Variants in SH3RF1 observed in about 807,000 individuals in gnomAD.
SH3RF1 encodes SH3 domain containing ring finger 1.
Under a neutral mutation model 74.0 loss-of-function variants are expected in SH3RF1, and 32 were observed. That is an observed-to-expected ratio of 0.43 (90% CI 0.33 to 0.58). SH3RF1 has a LOEUF of 0.58. SH3RF1 is among the 20% of genes least tolerant of loss of function. The pLI is 0.05. For synonymous variants in SH3RF1, 396 were observed against 439.6 expected (o/e 0.90, Z 1.24); for missense variants, 954 against 1,130.9 (o/e 0.84, Z 2.24).
chr4:169,236,250 G>T (rs1340074570), intron 2 of SH3RF1, among the ~76,000 whole-genome samples: 1 of 152,184 alleles, frequency 6.6e-6, no homozygotes, highest in Non-Finnish European at 1.5e-5. Context: ...TGAAATGTGG[G>T]AAGTAAAACA....
Position 169,267,542 on chromosome 4 carries a change from C to T in SH3RF1, c.393+1278G>A, listed in dbSNP as rs74595969. ...TGGGCTCCAAATAAGGAAAAGAAAACCTCCCTATCCCAGAGTTCTCACTAT... is the reference window on the plus strand; with the variant it reads ...TGGGCTCCAAATAAGGAAAAGAAAATCTCCCTATCCCAGAGTTCTCACTAT... On this transcript the variant is annotated intron_variant, in intron 2 of 11. Coordinates refer to ENST00000284637, the MANE Select transcript of SH3RF1 (RefSeq NM_020870.4). 9.5e-3 allele frequency among the ~76,000 whole-genome samples: 1,452 copies of T among 152,220 alleles called. 17 individuals carry two copies. The highest frequency in any genetic ancestry group is 0.014 in the Non-Finnish European group (968 of 68,002).
intron 2 of SH3RF1, among the ~76,000 whole-genome samples, chr4:169,163,131 A>T (rs1280286680): frequency 6.6e-6 from 1 of 152,116 alleles, no homozygotes; most frequent in African/African-American, 2.4e-5. Flanking sequence ...GAGATAAAGG[A>T]AAGTAGATAA....
At chr4:169,111,098 A>C (rs534713398) in intron 10 of SH3RF1, among the ~76,000 whole-genome samples, 77 of 151,860 alleles carry the variant, frequency 5.1e-4, no homozygotes, top group Non-Finnish European at 9.0e-4. Context: ...ACTTGAGGCC[A>C]GGAGTTCAGG....
chr4:169,096,716 C>G (rs761454735), intron 11 of SH3RF1, 29 bp from the exon 12 acceptor site: 1 of 1,584,190 alleles, frequency 6.3e-7, no homozygotes, highest in Non-Finnish European at 8.6e-7. Flanking sequence ...TTGGTTAAGG[C>G]GATTCAAAGC....
intron 2 of SH3RF1, among the ~76,000 whole-genome samples, chr4:169,162,819 C>A (rs1207657558): frequency 6.6e-6 from 1 of 152,182 alleles, no homozygotes; most frequent in South Asian, 2.1e-4. Context: ...CAGTTCCATA[C>A]CAGCTCAAGA....
chr4:169,211,318 T>G (rs1730362276), intron 2 of SH3RF1, among the ~76,000 whole-genome samples: 1 of 151,738 alleles, frequency 6.6e-6, no homozygotes, highest in South Asian at 2.1e-4. Flanking sequence ...CTGTCTCTAC[T>G]AAAAATATAA....
intron 2 of SH3RF1, among the ~76,000 whole-genome samples, chr4:169,190,682 G>T (rs181534533): frequency 6.6e-6 from 1 of 151,498 alleles, no homozygotes; most frequent in Admixed American, 6.6e-5. Context: ...ACACTATTCC[G>T]CAAGACAGAG....
intron 2 of SH3RF1, among the ~76,000 whole-genome samples, chr4:169,202,365 G>A (rs1734924342): frequency 2.0e-5 from 3 of 151,766 alleles, no homozygotes; most frequent in Admixed American, 1.3e-4. Flanking sequence ...TTTCTCTTGT[G>A]CCCACATATC....
intron 9 of SH3RF1, among the ~76,000 whole-genome samples, chr4:169,117,063 A>G (rs1189424126): frequency 6.6e-6 from 1 of 152,042 alleles, no homozygotes; most frequent in Non-Finnish European, 1.5e-5. Context: ...TTTACCCCTC[A>G]TCCCATTAGT....
intron 4 of SH3RF1, among the ~76,000 whole-genome samples, chr4:169,142,236 G>A (rs1428193530): frequency 2.0e-5 from 3 of 152,158 alleles, no homozygotes; most frequent in South Asian, 2.1e-4. Flanking sequence ...CATTACAGGC[G>A]TGAGCGATTG....
chr4:169,208,148 A>G (rs1480218347), intron 2 of SH3RF1, among the ~76,000 whole-genome samples: 1 of 126,918 alleles, frequency 7.9e-6, no homozygotes, highest in East Asian at 3.5e-4. Flanking sequence ...TAAGTCCTCA[A>G]GTTTTTTTTT....
At chr4:169,174,032 AC>A (rs1734376706) in intron 2 of SH3RF1, among the ~76,000 whole-genome samples, 1 of 151,744 alleles carries the variant, frequency 6.6e-6, no homozygotes, top group African/African-American at 2.4e-5. Context: ...CTGAATTCAT[AC>A]CTGAAGCAGC....
intron 2 of SH3RF1, among the ~76,000 whole-genome samples, chr4:169,163,721 A>C (rs1734189019): frequency 6.6e-6 from 1 of 152,158 alleles, no homozygotes; most frequent in Non-Finnish European, 1.5e-5. Flanking sequence ...ACCCTCAGCA[A>C]GCAAACCAGT....
At chr4:169,238,887 T>C (rs1247521117) in intron 2 of SH3RF1, among the ~76,000 whole-genome samples, 2 of 152,216 alleles carry the variant, frequency 1.3e-5, no homozygotes, top group African/African-American at 4.8e-5. Flanking sequence ...TCTTTCTTTC[T>C]AGTTGACTTT....
At chr4:169,163,068 G>A (rs1734176020) in intron 2 of SH3RF1, among the ~76,000 whole-genome samples, 2 of 150,376 alleles carry the variant, frequency 1.3e-5, no homozygotes, top group Admixed American at 1.3e-4. Context: ...TTTGCGGGGG[G>A]CATTAATGGT....
At chr4:169,162,619 C>T (rs1734167627) in intron 2 of SH3RF1, among the ~76,000 whole-genome samples, 1 of 152,208 alleles carries the variant, frequency 6.6e-6, no homozygotes, top group Non-Finnish European at 1.5e-5. Context: ...AAACTACCAG[C>T]ACTTTGAGGA....
At chr4:169,125,767 C>T (rs1157686779) in intron 6 of SH3RF1, among the ~76,000 whole-genome samples, 1 of 152,202 alleles carries the variant, frequency 6.6e-6, no homozygotes, top group East Asian at 1.9e-4. Flanking sequence ...TTCAACCCTA[C>T]ATATCAACAT....
intron 2 of SH3RF1, chr4:169,220,450 G>A (rs1019766862): frequency 6.6e-6 from 1 of 152,214 alleles, no homozygotes; most frequent in Non-Finnish European, 1.5e-5. Flanking sequence ...TCCTCCACAG[G>A]ATAAATTTTC....
intron 2 of SH3RF1, among the ~76,000 whole-genome samples, chr4:169,247,389 AG>A (rs1208832434): frequency 6.6e-6 from 1 of 152,214 alleles, no homozygotes; most frequent in African/African-American, 2.4e-5. Flanking sequence ...AACCTGGTCC[AG>A]GGGAGAGTGA....
Sources: gnomAD v4.1 joint callset for allele counts (sites outside exome capture counted in the v4.1 genomes callset) on GRCh38, gnomAD v4.1.1 for gene constraint, MANE v1.5 for transcripts, NCBI Gene and HGNC (gene_info 2026-07-23, HGNC 2026-07-21) for gene names.